The following ZYG11B variants were observed in gnomAD, a reference collection of about 807,000 sequenced individuals.
The protein encoded by ZYG11B is protein zyg-11 homolog B.
In ZYG11B, 36 loss-of-function variants were observed where a neutral mutation model predicts 82.4. The observed-to-expected ratio is 0.44, with a 90% CI of 0.33 to 0.58. ZYG11B has a LOEUF of 0.58. Among genes scored for constraint, ZYG11B ranks in the 20% least tolerant of loss-of-function variants. The pLI, the probability that ZYG11B is intolerant of heterozygous loss-of-function variation, is 0.02. For missense variants in ZYG11B, 552 were observed against 895.6 expected, an observed-to-expected ratio of 0.62 and a Z score of 4.90; for synonymous variants, 303 against 312.8, an observed-to-expected ratio of 0.97 and a Z score of 0.33.
chr1:52,765,317 C>T (rs1456477780), intron 2 of ZYG11B, among the ~76,000 whole-genome samples: 2 of 152,064 alleles, frequency 1.3e-5, no homozygotes, highest in East Asian at 1.9e-4. Context: ...GTCCTCCTGC[C>T]TCAGCCTCCT....
chr1:52,727,454 G>A (rs1644295736), intron 1 of ZYG11B, among the ~76,000 whole-genome samples: 1 of 152,184 alleles, frequency 6.6e-6, no homozygotes, highest in South Asian at 2.1e-4. Flanking sequence ...TGTGACCTCA[G>A]GAGAGATCTA....
At chr1:52,797,192 TATAA>T (rs1302770825) in intron 8 of ZYG11B, among the ~76,000 whole-genome samples, 1 of 77,726 alleles carries the variant, frequency 1.3e-5, no homozygotes, top group Non-Finnish European at 2.2e-5. Flanking sequence ...ATATATTATA[TATAA>T]ATTATTTATA....
chr1:52,760,167 G>C (rs1644615289), intron 2 of ZYG11B, among the ~76,000 whole-genome samples: 1 of 152,164 alleles, frequency 6.6e-6, no homozygotes, highest in Non-Finnish European at 1.5e-5. Flanking sequence ...TATCAGCCAA[G>C]GGCAGTGATT....
chr1:52,726,487 C>T lies in ZYG11B; in HGVS notation c.-167C>T. On this transcript the variant is annotated 5_prime_UTR_variant, in exon 1 of 14. Coordinates refer to ENST00000294353, the MANE Select transcript of ZYG11B (RefSeq NM_024646.3). ...GCTCTGGTTCGGGCTGCGGCTGCGG[C>T]TGCGGCTGCGGCTGCTACTGCTACG... The T allele has an allele frequency of 1.7e-6, 1 of 581,986 alleles. No homozygotes were observed. Among genetic ancestry groups the T allele is most frequent in the Non-Finnish European group, 2.5e-6 (1 of 392,850 alleles). 36.1% of individuals were successfully genotyped at this position (581,986 alleles called of 1,614,324 possible). A position where few individuals can be genotyped will look rare whatever the true frequency, so the allele number is the denominator to read the frequency against.
chr1:52,744,538 T>C (rs1406943634), intron 1 of ZYG11B, among the ~76,000 whole-genome samples: 1 of 152,242 alleles, frequency 6.6e-6, no homozygotes, highest in Non-Finnish European at 1.5e-5. Context: ...CTGTTGTTCT[T>C]AACTACGATA....
intron 10 of ZYG11B, among the ~76,000 whole-genome samples, chr1:52,803,947 A>T (rs1244462407): frequency 6.6e-6 from 1 of 152,090 alleles, no homozygotes; most frequent in Non-Finnish European, 1.5e-5. Context: ...TCTCATTAAA[A>T]AATGTTATCA....
At chr1:52,780,290 ATGAC>A (rs887122691) in intron 4 of ZYG11B, among the ~76,000 whole-genome samples, 1 of 152,190 alleles carries the variant, frequency 6.6e-6, no homozygotes, top group African/African-American at 2.4e-5. Context: ...ATGAAAGTAT[ATGAC>A]TGGAATCAGG....
Position 52,726,680 on chromosome 1 carries a change from C to T in ZYG11B, c.27C>T (p.Ala9=). The change falls in exon 1 of 14, where the codon GCC becomes GCT. Residue 9 remains alanine (A), a synonymous_variant. Transcript: ENST00000294353. The stretch of plus-strand genomic sequence containing the variant: ...TGCCCGAGGACCAGGCCGGCGCAGC[C>T]ATGGTGAGGGAGCAAGGCCTGCCCT... MPEDQAGA[A]MEEASPYSLL... 4.1e-6 allele frequency: 6 copies of T among 1,479,306 alleles called. No homozygotes were observed. Among genetic ancestry groups the T allele is most frequent in the Non-Finnish European group, 4.5e-6 (5 of 1,121,724 alleles). The allele number at this position is 1,479,306 out of a possible 1,614,324, so 91.6% of individuals were successfully genotyped here.
intron 5 of ZYG11B, among the ~76,000 whole-genome samples, chr1:52,785,658 T>A (rs1644906968): frequency 6.6e-6 from 1 of 152,140 alleles, no homozygotes; most frequent in African/African-American, 2.4e-5. Flanking sequence ...GGTTTCAACA[T>A]GTTGGTGAGG....
At chr1:52,747,306 A>AT (rs11358595) in intron 1 of ZYG11B, among the ~76,000 whole-genome samples, 48 of 144,666 alleles carry the variant, frequency 3.3e-4, no homozygotes, top group South Asian at 1.1e-3. Context: ...TTCACTTTTG[A>AT]TTTTTTTTTT....
chr1:52,782,741 C>T (rs1188905922), intron 4 of ZYG11B, among the ~76,000 whole-genome samples: 3 of 151,824 alleles, frequency 2.0e-5, no homozygotes, highest in Non-Finnish European at 2.9e-5. Context: ...CCACACCGGG[C>T]TAATTTTGTA....
At chr1:52,809,672 C>G (rs973082630) in intron 10 of ZYG11B, among the ~76,000 whole-genome samples, 1 of 152,054 alleles carries the variant, frequency 6.6e-6, no homozygotes, top group African/African-American at 2.4e-5. Flanking sequence ...ACATTCTCAC[C>G]GCTTGTTATT....
At chr1:52,759,828 T>C (rs1041716826) in intron 2 of ZYG11B, among the ~76,000 whole-genome samples, 3 of 152,194 alleles carry the variant, frequency 2.0e-5, no homozygotes. Flanking sequence ...TTTTATTTAT[T>C]GCTGTTACTA....
intron 12 of ZYG11B, among the ~76,000 whole-genome samples, chr1:52,815,922 G>A (rs138314163): frequency 2.2e-4 from 33 of 152,046 alleles, no homozygotes; most frequent in Middle Eastern, 3.4e-3. Flanking sequence ...GCGACAGAGC[G>A]AGACTCCGTA....
chr1:52,816,557 C>T lies in ZYG11B; in HGVS notation c.1972C>T (p.Leu658Phe). Reference protein sequence around the residue: ...YRSFNPFFPLLGCFTTPGVQL... With the variant: ...YRSFNPFFPLFGCFTTPGVQL... ...GTCCTTTAATCCATTTTTCCCATTA[C>T]TTGGCTGTTTCACAACACCAGGAGT... The change falls in exon 13 of 14, where the codon CTT becomes TTT. Residue 658 changes from leucine (L) to phenylalanine (F), a missense_variant. By Grantham distance (22) the Leu-to-Phe change is conservative (BLOSUM62 0). Coordinates refer to ENST00000294353, the MANE Select transcript of ZYG11B (RefSeq NM_024646.3). 1 of 1,612,122 alleles carries T rather than the reference C, an allele frequency of 6.2e-7. No homozygotes were observed. Among genetic ancestry groups the T allele is most frequent in the Non-Finnish European group, 8.5e-7 (1 of 1,179,400 alleles).
chr1:52,807,320 G>GTGTT (rs1645149420), intron 10 of ZYG11B, among the ~76,000 whole-genome samples: 1 of 151,864 alleles, frequency 6.6e-6, no homozygotes, highest in African/African-American at 2.4e-5. Context: ...GTTGTGATGT[G>GTGTT]TTTAATCACT....
intron 1 of ZYG11B, among the ~76,000 whole-genome samples, chr1:52,751,896 G>T (rs1054751230): frequency 6.6e-6 from 1 of 151,434 alleles, no homozygotes; most frequent in African/African-American, 2.4e-5. Flanking sequence ...AAACCATATA[G>T]TAGGAGAAAA....
intron 7 of ZYG11B, 90 bp downstream of exon 7, chr1:52,796,481 T>G (rs1645007240): frequency 8.9e-7 from 1 of 1,125,380 alleles, no homozygotes; most frequent in Non-Finnish European, 1.3e-6. Flanking sequence ...GCCAGAAACA[T>G]TAGTAAATCT....
chr1:52,803,159 TATATATATACACAC>T (rs1558140270), intron 10 of ZYG11B, among the ~76,000 whole-genome samples: 1,666 of 72,748 alleles, frequency 0.023, 162 homozygotes, highest in African/African-American at 0.13. Flanking sequence ...TATATACACA[TATATATATACACAC>T]ATATATATAT....
Sources: allele counts gnomAD v4.1 joint callset (sites outside exome capture counted in the v4.1 genomes callset), GRCh38; gene constraint gnomAD v4.1.1; transcripts MANE v1.5; gene names NCBI Gene and HGNC (gene_info 2026-07-23, HGNC 2026-07-21).